Variants in XPNPEP2 observed in about 807,000 individuals in gnomAD.
XPNPEP2 encodes X-prolyl aminopeptidase 2, also known as xaa-Pro aminopeptidase 2.
Under a neutral mutation model 59.8 loss-of-function variants are expected in XPNPEP2, and 64 were observed. That is an observed-to-expected ratio of 1.07 (90% CI 0.87 to 1.32). The LOEUF (loss-of-function observed/expected upper bound fraction) is 1.32, where lower values mean the gene tolerates loss of function less well. Among genes scored for constraint, XPNPEP2 ranks in the 40% most tolerant of loss-of-function variants. The pLI is 0.00. For missense variants in XPNPEP2, 575 were observed against 546.8 expected (o/e 1.05, Z -0.51); for synonymous variants, 235 against 210.0 (o/e 1.12, Z -1.03).
chrX:129,751,785 C>A lies in XPNPEP2; in HGVS notation c.780C>A (p.Pro260=). The change falls in exon 9 of 21, where the codon CCC becomes CCA. Residue 260 remains proline, a synonymous_variant. Transcript: ENST00000371106. ...NLRASDIPYN[P]FFYSYTLLTD... ...GAGCCAGTGACATCCCCTATAACCC[C>A]TTCTTCTATTCCTACACGCTGCTCA... 8.3e-7 allele frequency: 1 copy of A among 1,211,365 alleles called. No homozygotes were observed. The highest frequency in any genetic ancestry group is 1.1e-6 in the Non-Finnish European group (1 of 895,199).
chrX:129,755,604 A>G (rs1207470412), intron 13 of XPNPEP2, among the ~76,000 whole-genome samples: 2 of 112,296 alleles, frequency 1.8e-5, no homozygotes, highest in South Asian at 3.6e-4. Context: ...CACCGATGCC[A>G]TTGGATGCTT....
chrX:129,761,216 G>A lies in XPNPEP2; in HGVS notation c.1543G>A (p.Gly515Ser). 8.3e-7 allele frequency: 1 copy of A among 1,212,059 alleles called. No individual in the cohort carries two copies. ...TGCCCGCAGAGCCTTGTGGGATGCT[G>A]GTCTCAATTATGGTCATGGGACAGG... ...AFARRALWDA[G>S]LNYGHGTGHG... is the part of the protein sequence containing the mutation. Residue 515 changes from glycine (G) to serine (S), a missense_variant, in exon 17 of 21, where the codon GGT becomes AGT. Coordinates refer to ENST00000371106, the MANE Select transcript of XPNPEP2 (RefSeq NM_003399.6).
In XPNPEP2 at chrX:129,739,260, G is replaced by A. The variant is rs769313000; in HGVS notation, c.47G>A (p.Cys16Tyr). The change falls in exon 1 of 21, where the codon TGT becomes TAT. Residue 16 changes from cysteine (C) to tyrosine (Y), a missense_variant and splice_region_variant. Coordinates refer to ENST00000371106, the MANE Select transcript of XPNPEP2 (RefSeq NM_003399.6). ...WGCCPWLVLL[C>Y]ACAWGHTKPV... ...TGCTGCCCCTGGCTGGTCCTCCTCT[G>A]TGGTATGTGCATCCTAGCTTCCACT... The A allele has an allele frequency of 2.5e-6, 3 of 1,207,232 alleles. No homozygotes were observed. The highest frequency in any genetic ancestry group is 3.4e-6 in the Non-Finnish European group (3 of 894,797).
At chrX:129,752,729 C>G (rs1323811461) in intron 10 of XPNPEP2, among the ~76,000 whole-genome samples, 1 of 112,270 alleles carries the variant, frequency 8.9e-6, no homozygotes, top group Non-Finnish European at 1.9e-5. Context: ...TCGCAGGAGT[C>G]GCTCAGTGGA....
chrX:129,758,668 A>G (rs1437207838), intron 14 of XPNPEP2, among the ~76,000 whole-genome samples: 1 of 112,229 alleles, frequency 8.9e-6, no homozygotes, highest in Non-Finnish European at 1.9e-5. Flanking sequence ...CATGGCCTCA[A>G]TGGCCTCATC....
chrX:129,743,882 A>C (rs1926244202), intron 2 of XPNPEP2, 79 bp from the exon 3 acceptor site: 129 of 836,618 alleles, frequency 1.5e-4, no homozygotes, highest in Non-Finnish European at 2.1e-4. Context: ...TCTGGAGGCC[A>C]GGGGCCCAGA....
intron 3 of XPNPEP2, 62 bp downstream of exon 3, chrX:129,744,133 G>A: frequency 9.7e-7 from 1 of 1,026,134 alleles, no homozygotes; most frequent in Non-Finnish European, 1.4e-6. Flanking sequence ...ACCACAAACA[G>A]GAGCTGTTAA....
intron 8 of XPNPEP2, among the ~76,000 whole-genome samples, chrX:129,751,127 T>A (rs763818382): frequency 1.6e-5 from 1 of 64,400 alleles, no homozygotes; most frequent in South Asian, 1.2e-3. Flanking sequence ...GGCAAAAAGA[T>A]TGAGTAACAT....
intron 3 of XPNPEP2, among the ~76,000 whole-genome samples, chrX:129,744,785 C>T (rs185065434): frequency 8.9e-6 from 1 of 111,854 alleles, no homozygotes. Context: ...TGTGTAAAGC[C>T]CTTTGCAGAA....
Position 129,757,889 on chromosome X carries a change from GAGAGAGAAAGAA to G in XPNPEP2, c.1368-1287_1368-1276del, listed in dbSNP as rs1316494787. Among the ~76,000 whole-genome samples, 703 of 73,829 alleles carry G rather than the reference GAGAGAGAAAGAA, an allele frequency of 9.5e-3. 13 individuals carry two copies. The highest frequency in any genetic ancestry group is 0.021 in the Admixed American group (120 of 5,732). The allele number at this position is 73,829 out of a possible 115,157, so 64.1% of individuals were successfully genotyped here. On this transcript the variant is annotated intron_variant, in intron 14 of 20. Transcript: ENST00000371106. The stretch of plus-strand genomic sequence containing the variant: ...AGAGAGAGAAAGAGAGAGAGAGAGA[GAGAGAGAAAGAA>G]AGAAAGAAAGAAAGAAAGAAAGAAA...
chrX:129,758,345 G>A (rs1244039983), intron 14 of XPNPEP2, among the ~76,000 whole-genome samples: 3 of 111,036 alleles, frequency 2.7e-5, no homozygotes, highest in Admixed American at 9.6e-5. Context: ...GGGTGAGGCC[G>A]GGGAAATAGT....
chrX:129,762,875 T>A, intron 19 of XPNPEP2, 105 bp downstream of exon 19: 2 of 676,936 alleles, frequency 3.0e-6, no homozygotes, highest in Non-Finnish European at 4.7e-6. Flanking sequence ...GGGCATTTAG[T>A]GTGCAGGCAT....
intron 3 of XPNPEP2, among the ~76,000 whole-genome samples, chrX:129,744,379 G>C (rs1051789684): frequency 4.4e-5 from 5 of 112,416 alleles, no homozygotes; most frequent in African/African-American, 6.5e-5. Context: ...TGCCCTAGGA[G>C]GTTAGAAGGT....
chrX:129,743,904 C>T, intron 2 of XPNPEP2, 57 bp from the exon 3 acceptor site: 7 of 1,094,843 alleles, frequency 6.4e-6, no homozygotes, highest in Non-Finnish European at 8.8e-6. Flanking sequence ...GTCATTTTCT[C>T]TAAGCAACGT....
At chrX:129,746,142 C>A in intron 4 of XPNPEP2, 94 bp from the exon 5 acceptor site, 1 of 716,435 alleles carries the variant, frequency 1.4e-6, no homozygotes. Context: ...CCCCTTGTGG[C>A]ATTCTCAGAG....
At chrX:129,767,783 C>G in intron 20 of XPNPEP2, 91 bp downstream of exon 20, 9 of 933,877 alleles carry the variant, frequency 9.6e-6, no homozygotes, top group Non-Finnish European at 1.2e-5. Flanking sequence ...TGCCCCTCCT[C>G]CAGGAGGGTC....
chrX:129,767,227 T>C (rs1926766534), intron 19 of XPNPEP2, among the ~76,000 whole-genome samples: 1 of 111,527 alleles, frequency 9.0e-6, no homozygotes, highest in Non-Finnish European at 1.9e-5. Context: ...AAAAATAAAA[T>C]AAAATAATTG....
chrX:129,742,231 C>T (rs1159670613), intron 2 of XPNPEP2, 50 bp downstream of exon 2: 1 of 713,749 alleles, frequency 1.4e-6, no homozygotes, highest in Non-Finnish European at 2.0e-6. Flanking sequence ...CCACGCACCC[C>T]CCCACCCCTG....
intron 19 of XPNPEP2, among the ~76,000 whole-genome samples, chrX:129,764,152 G>C (rs1420134474): frequency 3.2e-5 from 3 of 94,514 alleles, no homozygotes; most frequent in African/African-American, 1.2e-4. Flanking sequence ...CATAAACAAA[G>C]CCAAGAGATG....
Sources: gnomAD v4.1 joint callset for allele counts (sites outside exome capture counted in the v4.1 genomes callset) on GRCh38, gnomAD v4.1.1 for gene constraint, MANE v1.5 for transcripts, NCBI Gene and HGNC (gene_info 2026-07-23, HGNC 2026-07-21) for gene names.